CCDC171: variants seen among roughly 807,000 people sequenced by gnomAD.
CCDC171 encodes coiled-coil domain containing 171.
A neutral mutation model predicts 168.2 loss-of-function variants in CCDC171; 177 were observed. The observed-to-expected ratio is 1.05, with a 90% CI of 0.93 to 1.19. The LOEUF (loss-of-function observed/expected upper bound fraction) is 1.19. CCDC171 is among the 50% of genes most tolerant of loss of function. The pLI is 0.00. For missense variants in CCDC171, 1,991 were observed against 1,539.0 expected (o/e 1.29, Z -4.91); for synonymous variants, 687 against 540.8 (o/e 1.27, Z -3.75).
chr9:15,815,824 T>C lies in CCDC171; in HGVS notation c.3268-30878T>C, dbSNP rs1016896470. Among the ~76,000 whole-genome samples the C allele has an allele frequency of 1.7e-5, 2 of 117,476 alleles. 1 individual carries two copies. The highest frequency in any genetic ancestry group is 3.8e-5 in the Non-Finnish European group (2 of 52,292). 77.1% of individuals were successfully genotyped at this position (117,476 alleles called of 152,430 possible). ...CTTAATTTAAAAGTCTTATCACTTT[T>C]TACTTTAATCCCATATATTTTTATC... On this transcript the variant is annotated intron_variant, in intron 21 of 25. Transcript: ENST00000380701.
At chr9:15,598,783 T>G (rs1461769145) in intron 6 of CCDC171, among the ~76,000 whole-genome samples, 2 of 152,198 alleles carry the variant, frequency 1.3e-5, no homozygotes. Context: ...TGTGGGAGTC[T>G]AAGTCCTTTT....
chr9:15,792,614 C>T (rs1272787363), intron 21 of CCDC171, among the ~76,000 whole-genome samples: 1 of 152,292 alleles, frequency 6.6e-6, no homozygotes. Context: ...ATCAGACTAA[C>T]AGCGGATCTC....
intron 21 of CCDC171, among the ~76,000 whole-genome samples, chr9:15,809,821 C>T (rs144492907): frequency 6.5e-4 from 99 of 152,296 alleles, no homozygotes; most frequent in African/African-American, 2.1e-3. Context: ...AACGGGTTGC[C>T]ACTGCTGCCT....
In CCDC171 at chr9:15,920,311, C is replaced by T; in HGVS notation, c.3642C>T (p.Ser1214=). ...TCATGGATGTCTACCAGCTTGCAAG[C>T]ACTAGAATCATGACATTAGAGAAGG... ...KSFMDVYQLA[S]TRIMTLEKEM... The change falls in exon 25 of 26, where the codon AGC becomes AGT. Residue 1214 remains serine, a synonymous_variant. Transcript: ENST00000380701. 6.2e-7 allele frequency: 1 copy of T among 1,606,472 alleles called. No homozygotes were observed. Among genetic ancestry groups the T allele is most frequent in the Non-Finnish European group, 8.5e-7 (1 of 1,175,052 alleles).
Position 15,724,765 on chromosome 9 carries a change from A to G in CCDC171, c.1492-11A>G, listed in dbSNP as rs1322611356. 7.5e-6 allele frequency: 12 copies of G among 1,603,556 alleles called. No homozygotes were observed. In the Admixed American group the frequency reaches 1.0e-4, roughly 13 times the overall value. On this transcript the variant is annotated splice_polypyrimidine_tract_variant and intron_variant, in intron 13 of 25. Transcript: ENST00000380701. ...CCTTTCTACAATCTCTTTATTTGGT[A>G]TCTATGACAGGAACTTCAGGATAAA...
intron 24 of CCDC171, among the ~76,000 whole-genome samples, chr9:15,879,714 G>A (rs1818359224): frequency 1.3e-5 from 2 of 152,028 alleles, no homozygotes; most frequent in African/African-American, 4.8e-5. Context: ...TATTTTGTCA[G>A]TTTTCTGTTG....
chr9:15,968,692 G>T (rs1426448255), intron 25 of CCDC171, among the ~76,000 whole-genome samples: 1 of 151,736 alleles, frequency 6.6e-6, no homozygotes, highest in East Asian at 1.9e-4. Flanking sequence ...GATTACAGGC[G>T]CCCGCCCAAC....
chr9:15,931,933 GT>G (rs1826570271), intron 25 of CCDC171, among the ~76,000 whole-genome samples: 1 of 151,746 alleles, frequency 6.6e-6, no homozygotes, highest in Non-Finnish European at 1.5e-5. Flanking sequence ...TTATTTCTGG[GT>G]TCTCTGTTCT....
At chr9:15,814,600 T>C (rs966418559) in intron 21 of CCDC171, among the ~76,000 whole-genome samples, 1 of 147,430 alleles carries the variant, frequency 6.8e-6, no homozygotes, top group African/African-American at 2.5e-5. Context: ...GCTAAAGTTT[T>C]TCTTTTTTTT....
At chr9:15,957,676 G>A (rs568329273) in intron 25 of CCDC171, among the ~76,000 whole-genome samples, 29 of 152,258 alleles carry the variant, frequency 1.9e-4, no homozygotes, top group East Asian at 3.9e-4. Flanking sequence ...GCTTATAACA[G>A]AATCTCTTTC....
intron 21 of CCDC171, among the ~76,000 whole-genome samples, chr9:15,825,418 C>G (rs1024377529): frequency 6.6e-6 from 1 of 152,058 alleles, no homozygotes; most frequent in Non-Finnish European, 1.5e-5. Flanking sequence ...AAAGTGGATG[C>G]TTTACATACG....
intron 7 of CCDC171, among the ~76,000 whole-genome samples, chr9:15,644,807 C>T (rs907059981): frequency 6.6e-6 from 1 of 152,236 alleles, no homozygotes; most frequent in Non-Finnish European, 1.5e-5. Flanking sequence ...GTAGACTCCA[C>T]CTCTGGGGGC....
intron 11 of CCDC171, among the ~76,000 whole-genome samples, chr9:15,702,665 T>G (rs1449792955): frequency 6.6e-6 from 1 of 152,158 alleles, no homozygotes; most frequent in South Asian, 2.1e-4. Context: ...CTGTTTAGTC[T>G]TCACTGAAAA....
At chr9:15,682,323 G>A (rs2133487220) in intron 10 of CCDC171, among the ~76,000 whole-genome samples, 1 of 151,952 alleles carries the variant, frequency 6.6e-6, no homozygotes, top group South Asian at 2.1e-4. Flanking sequence ...TAAACCAGTT[G>A]GAAAGTGATA....
chr9:15,593,851 T>G (rs1564006367), intron 5 of CCDC171, among the ~76,000 whole-genome samples, 190 bp from the exon 6 acceptor site: 3 of 152,032 alleles, frequency 2.0e-5, no homozygotes, highest in African/African-American at 7.2e-5. Context: ...AATCTGTTGT[T>G]TAAATAAACA....
chr9:15,722,934 A>G (rs1381109225), intron 12 of CCDC171, among the ~76,000 whole-genome samples: 1 of 152,198 alleles, frequency 6.6e-6, no homozygotes, highest in Non-Finnish European at 1.5e-5. Context: ...TGGAAGCTGC[A>G]GGGTAACTAG....
chr9:16,006,578 C>A (rs891602227), intron 3 of CCDC171, among the ~76,000 whole-genome samples: 1 of 143,934 alleles, frequency 6.9e-6, no homozygotes, highest in Admixed American at 7.0e-5. Context: ...CTATCCCTCC[C>A]CCCTCCCCTC....
intron 8 of CCDC171, among the ~76,000 whole-genome samples, chr9:15,661,865 G>A (rs967002118): frequency 2.6e-5 from 4 of 152,128 alleles, no homozygotes; most frequent in Non-Finnish European, 2.9e-5. Context: ...TTTACTGTTT[G>A]GCTTACAAAC....
chr9:15,560,786 C>T (rs983957415), intron 1 of CCDC171, among the ~76,000 whole-genome samples: 22 of 152,068 alleles, frequency 1.4e-4, no homozygotes, highest in African/African-American at 2.4e-4. Flanking sequence ...TGAGGAGCTG[C>T]GTTCTTTTGG....
Sources: allele counts gnomAD v4.1 joint callset (sites outside exome capture counted in the v4.1 genomes callset), GRCh38; gene constraint gnomAD v4.1.1; transcripts MANE v1.5; gene names NCBI Gene and HGNC (gene_info 2026-07-23, HGNC 2026-07-21).